SPECC1L: variants seen among roughly 807,000 people sequenced by gnomAD.
SPECC1L encodes cytospin-A.
A neutral mutation model predicts 116.8 loss-of-function variants in SPECC1L; 40 were observed. That is an observed-to-expected ratio of 0.34 (90% CI 0.27 to 0.45). The LOEUF (loss-of-function observed/expected upper bound fraction) is 0.45, where lower values mean the gene tolerates loss of function less well. SPECC1L is among the 20% of genes least tolerant of loss of function. The pLI is 1.00. For synonymous variants in SPECC1L, 504 were observed against 500.6 expected (o/e 1.01, Z -0.09); for missense variants, 1,110 against 1,373.6 (o/e 0.81, Z 3.03).
Position 24,302,251 on chromosome 22 carries a change from G to C in SPECC1L, c.20G>C (p.Ser7Thr), listed in dbSNP as rs1393650485. ...CCCAGAATGAAGAAAGCAAGCAGGAGTGTTGGCTCAGTGCCTAAAGTGTCT... is the reference window on the plus strand; with the variant it reads ...CCCAGAATGAAGAAAGCAAGCAGGACTGTTGGCTCAGTGCCTAAAGTGTCT... MKKASR[S>T]VGSVPKVSAI... Residue 7 changes from serine to threonine, a missense_variant, in exon 3 of 17, where the codon AGT (serine) becomes ACT (threonine). Physicochemically the swap from Ser to Thr is moderately conservative, Grantham distance 58 (BLOSUM62 1). Coordinates refer to ENST00000314328, the MANE Select transcript of SPECC1L (RefSeq NM_015330.6). 1.2e-6 allele frequency: 2 copies of C among 1,614,028 alleles called. No homozygotes were observed. Among genetic ancestry groups the C allele is most frequent in the Admixed American group, 3.3e-5 (2 of 60,000 alleles).
At chr22:24,298,092 CTG>C (rs1347651324) in intron 2 of SPECC1L, among the ~76,000 whole-genome samples, 3 of 152,114 alleles carry the variant, frequency 2.0e-5, no homozygotes, top group Admixed American at 6.5e-5. Context: ...TGGCATGAAA[CTG>C]TCACATTTTG....
chr22:24,302,449 A>C (rs2049400185), intron 3 of SPECC1L, 65 bp downstream of exon 3: 1 of 1,582,598 alleles, frequency 6.3e-7, no homozygotes, highest in Non-Finnish European at 8.7e-7. Context: ...ATGATGTTTA[A>C]TATATTAAAT....
rs11912837 is a variant in SPECC1L at position 24,318,020 on chromosome 22, C to A, written c.308-3268C>A. 2.0e-5 allele frequency among the ~76,000 whole-genome samples: 3 copies of A among 150,210 alleles called. No homozygotes were observed. In the East Asian group the frequency reaches 5.9e-4, roughly 30 times the overall value. ...AGATGGGATGGCGGCTGGGCAGAGACGCTCCTCACTTTCCAGACTGGGCAG... is the reference window on the plus strand; with the variant it reads ...AGATGGGATGGCGGCTGGGCAGAGAAGCTCCTCACTTTCCAGACTGGGCAG... On this transcript the variant is annotated intron_variant, in intron 4 of 16. Coordinates refer to ENST00000314328, the MANE Select transcript of SPECC1L (RefSeq NM_015330.6).
At chr22:24,316,424 G>C (rs921719507) in intron 4 of SPECC1L, among the ~76,000 whole-genome samples, 2 of 150,940 alleles carry the variant, frequency 1.3e-5, no homozygotes, top group Non-Finnish European at 2.9e-5. Flanking sequence ...AGGACCCTGC[G>C]GCCTTCCGCA....
chr22:24,281,339 C>CA (rs1179211197), intron 2 of SPECC1L, among the ~76,000 whole-genome samples: 1 of 152,142 alleles, frequency 6.6e-6, no homozygotes, highest in Non-Finnish European at 1.5e-5. Context: ...TCACATTCTA[C>CA]AAAAAAGCTC....
At chr22:24,281,659 C>T (rs2048945034) in intron 2 of SPECC1L, among the ~76,000 whole-genome samples, 1 of 152,132 alleles carries the variant, frequency 6.6e-6, no homozygotes. Context: ...ATCCTGAGAC[C>T]TTAATGTAAT....
intron 2 of SPECC1L, among the ~76,000 whole-genome samples, chr22:24,286,475 A>G (rs2049045637): frequency 6.6e-6 from 1 of 152,228 alleles, no homozygotes; most frequent in Admixed American, 6.5e-5. Flanking sequence ...CTAAGTTGGT[A>G]ACAGCAAAAT....
intron 13 of SPECC1L, among the ~76,000 whole-genome samples, chr22:24,368,876 A>G (rs1227224933): frequency 6.6e-6 from 1 of 152,146 alleles, no homozygotes; most frequent in African/African-American, 2.4e-5. Context: ...CAAACTCCTG[A>G]CTTCAGGTGA....
intron 2 of SPECC1L, among the ~76,000 whole-genome samples, chr22:24,285,995 C>A (rs752827309): frequency 6.6e-6 from 1 of 152,160 alleles, no homozygotes; most frequent in Admixed American, 6.5e-5. Context: ...TCCTTAAAAG[C>A]GATTGTTTAT....
In SPECC1L at chr22:24,405,258, TAGAG is replaced by T. The variant is rs2042562463; in HGVS notation, c.3088-6326_3088-6323del. ...TCTGAGTTCCTCATCCAAACCCCCT[TAGAG>T]AGAAGGGGAGAAGGAGGGAAGGAAG... On this transcript the variant is annotated intron_variant, in intron 14 of 16. Coordinates refer to ENST00000314328, the MANE Select transcript of SPECC1L (RefSeq NM_015330.6). Among the ~76,000 whole-genome samples the T allele has an allele frequency of 2.6e-5, 4 of 151,828 alleles. No homozygotes were observed. In the South Asian group the frequency reaches 8.4e-4, roughly 32 times the overall value.
At chr22:24,340,656 C>G (rs1018249005) in intron 10 of SPECC1L, among the ~76,000 whole-genome samples, 1 of 152,034 alleles carries the variant, frequency 6.6e-6, no homozygotes, top group Non-Finnish European at 1.5e-5. Context: ...CTACAAGTTG[C>G]AAAAAACTAA....
chr22:24,352,555 G>C (rs2041447230), intron 11 of SPECC1L, among the ~76,000 whole-genome samples: 1 of 152,108 alleles, frequency 6.6e-6, no homozygotes, highest in African/African-American at 2.4e-5. Flanking sequence ...TATGTTAAGG[G>C]TACATACCAT....
chr22:24,371,879 G>A (rs1184832556), intron 14 of SPECC1L, among the ~76,000 whole-genome samples: 1 of 152,156 alleles, frequency 6.6e-6, no homozygotes, highest in Admixed American at 6.5e-5. Flanking sequence ...GTGCTATCAT[G>A]CCCAGCTAAT....
intron 2 of SPECC1L, among the ~76,000 whole-genome samples, chr22:24,286,621 C>T (rs1161418166): frequency 6.6e-6 from 1 of 152,146 alleles, no homozygotes; most frequent in Non-Finnish European, 1.5e-5. Flanking sequence ...TGTCCTACCA[C>T]TAAGAAGTGA....
intron 16 of SPECC1L, among the ~76,000 whole-genome samples, chr22:24,414,241 G>A (rs370150732): frequency 2.6e-5 from 4 of 152,318 alleles, no homozygotes; most frequent in East Asian, 3.9e-4. Context: ...CAGGCGCGGG[G>A]AGGAGGGAGG....
intron 13 of SPECC1L, 137 bp downstream of exon 13, chr22:24,365,769 A>T (rs1016304520): frequency 1.2e-5 from 11 of 926,958 alleles, no homozygotes; most frequent in Admixed American, 8.0e-5. Flanking sequence ...AATCTTTCTT[A>T]TATCCAGAAT....
chr22:24,365,090 C>T (rs965846536), intron 12 of SPECC1L, among the ~76,000 whole-genome samples: 1 of 152,138 alleles, frequency 6.6e-6, no homozygotes, highest in African/African-American at 2.4e-5. Flanking sequence ...TTACTGCAAC[C>T]TCCACCACCC....
At chr22:24,300,424 G>C (rs1243357162) in intron 2 of SPECC1L, among the ~76,000 whole-genome samples, 2 of 152,170 alleles carry the variant, frequency 1.3e-5, no homozygotes, top group Non-Finnish European at 2.9e-5. Context: ...ATTGTAAACA[G>C]TGCTGCAATA....
Position 24,414,798 on chromosome 22 carries a change from C to T in SPECC1L, c.*175C>T. On this transcript the variant is annotated 3_prime_UTR_variant, in exon 17 of 17. Coordinates refer to ENST00000314328, the MANE Select transcript of SPECC1L (RefSeq NM_015330.6). Reference sequence around the variant, plus strand: ...TGGAAGAACTCAGCCGTGTGGCCCACAGCTCCCACCAGGGCCCCTCCCACA... The same window carrying T: ...TGGAAGAACTCAGCCGTGTGGCCCATAGCTCCCACCAGGGCCCCTCCCACA... 1 of 634,258 alleles carries T rather than the reference C, an allele frequency of 1.6e-6. No individual in the cohort carries two copies. 39.3% of individuals were successfully genotyped at this position (634,258 alleles called of 1,614,324 possible).
Sources: allele counts gnomAD v4.1 joint callset (sites outside exome capture counted in the v4.1 genomes callset), GRCh38; gene constraint gnomAD v4.1.1; transcripts MANE v1.5; gene names NCBI Gene and HGNC (gene_info 2026-07-23, HGNC 2026-07-21).